Variants in RGS13 observed in about 807,000 individuals in gnomAD.
RGS13 encodes regulator of G protein signaling 13, also known as regulator of G-protein signalling 13.
A neutral mutation model predicts 19.9 loss-of-function variants in RGS13; 14 were observed. That is an observed-to-expected ratio of 0.70 (90% confidence interval 0.46 to 1.10). The LOEUF (loss-of-function observed/expected upper bound fraction) is 1.10. RGS13 is among the 50% of genes least tolerant of loss of function. The probability of loss-of-function intolerance (pLI) is 0.00; values close to 1 mark genes in which losing one functional copy is unlikely to be tolerated. For missense variants in RGS13, 205 were observed against 187.1 expected (o/e 1.10, Z -0.56); for synonymous variants, 60 against 56.8 (o/e 1.06, Z -0.25).
chr1:192,654,365 C>A (rs963780922), intron 5 of RGS13, among the ~76,000 whole-genome samples: 32 of 150,550 alleles, frequency 2.1e-4, no homozygotes, highest in Non-Finnish European at 4.0e-4. Context: ...AAATAAAGGA[C>A]CATAAATTTG....
At chr1:192,658,650 A>AG in intron 6 of RGS13, 1 of 296,956 alleles carries the variant, frequency 3.4e-6, no homozygotes, top group Admixed American at 4.5e-5. Flanking sequence ...AAACTTAAAA[A>AG]GAAAAAAAGG....
At chr1:192,651,982 T>C (rs1339616505) in intron 5 of RGS13, among the ~76,000 whole-genome samples, 1 of 152,094 alleles carries the variant, frequency 6.6e-6, no homozygotes, top group East Asian at 1.9e-4. Flanking sequence ...ACCACAGTTG[T>C]ATATTTTTCT....
chr1:192,644,462 C>T (rs990807000), intron 4 of RGS13, 63 bp downstream of exon 4: 30 of 1,207,758 alleles, frequency 2.5e-5, no homozygotes, highest in Non-Finnish European at 6.0e-6. Flanking sequence ...TAAATAGGTA[C>T]ATATTTATTA....
chr1:192,644,243 A>T lies in RGS13; in HGVS notation c.-4-88A>T, dbSNP rs560490136. On this transcript the variant is annotated intron_variant, in intron 3 of 6. Transcript: ENST00000391995. ...GAGCCCATCTTTTTTTTTATGATTT[A>T]TAATATTGTATGTTCCTTAGAAACT... 8 of 922,608 alleles carry T rather than the reference A, an allele frequency of 8.7e-6. No individual in the cohort carries two copies. The East Asian group carries it at 1.7e-4, about 19-fold the overall frequency. The allele number at this position is 922,608 out of a possible 1,614,324, so 57.2% of individuals were successfully genotyped here.
Position 192,641,196 on chromosome 1 carries a change from GA to G in RGS13, c.-5+2999del, listed in dbSNP as rs1391207298. Among the ~76,000 whole-genome samples, 524 of 93,470 alleles carry G rather than the reference GA, an allele frequency of 5.6e-3. 4 individuals are homozygous for G. The highest frequency in any genetic ancestry group is 0.021 in the East Asian group (46 of 2,148). 61.3% of individuals were successfully genotyped at this position (93,470 alleles called of 152,430 possible). A position where few individuals can be genotyped will look rare whatever the true frequency, so the allele number is the denominator to read the frequency against. On this transcript the variant is annotated intron_variant, in intron 3 of 6. Transcript: ENST00000391995. Reference sequence around the variant, plus strand: ...AAAGAAAGAAAAGAAAGAAAAAAAAGAAAAAAGGAAAGAAAGAAAGAAAGAG... The same window carrying G: ...AAAGAAAGAAAAGAAAGAAAAAAAAGAAAAAGGAAAGAAAGAAAGAAAGAG...
chr1:192,645,578 T>C (rs953378137), intron 4 of RGS13: 2 of 152,170 alleles, frequency 1.3e-5, no homozygotes, highest in Non-Finnish European at 2.9e-5. Context: ...TGCAACATCA[T>C]GGTATCTTAA....
At chr1:192,651,933 T>G (rs1006397464) in intron 5 of RGS13, among the ~76,000 whole-genome samples, 2 of 152,038 alleles carry the variant, frequency 1.3e-5, no homozygotes, top group Non-Finnish European at 2.9e-5. Flanking sequence ...CAGTGTTGAG[T>G]GTCTGTTTAA....
At chr1:192,650,447 A>G (rs1008611659) in intron 5 of RGS13, among the ~76,000 whole-genome samples, 2 of 152,136 alleles carry the variant, frequency 1.3e-5, no homozygotes, top group African/African-American at 4.8e-5. Flanking sequence ...ATGTGTTTAC[A>G]TTAACCAAGG....
intron 6 of RGS13, 39 bp from the exon 7 acceptor site, chr1:192,659,299 A>T (rs1176205136): frequency 1.3e-6 from 2 of 1,514,248 alleles, no homozygotes; most frequent in Admixed American, 3.9e-5. Flanking sequence ...TTTTTCAACT[A>T]TGCTAACTTA....
chr1:192,658,591 T>C (rs1266474684), intron 6 of RGS13: 5 of 399,354 alleles, frequency 1.3e-5, no homozygotes, highest in Non-Finnish European at 2.2e-5. Flanking sequence ...CAAAATTAAA[T>C]CTATCTGGCT....
chr1:192,638,035 C>T (rs1348567936), intron 2 of RGS13, 129 bp from the exon 3 acceptor site: 5 of 151,918 alleles, frequency 3.3e-5, no homozygotes, highest in African/African-American at 7.2e-5. Context: ...ATTAAACTGT[C>T]GATTGAGATG....
At chr1:192,643,725 A>G (rs552754106) in intron 3 of RGS13, among the ~76,000 whole-genome samples, 4 of 152,286 alleles carry the variant, frequency 2.6e-5, no homozygotes, top group South Asian at 4.1e-4. Flanking sequence ...TGAGGTTGGC[A>G]GGTTGTTTGG....
chr1:192,638,525 A>C (rs1558048278), intron 3 of RGS13, among the ~76,000 whole-genome samples: 1 of 152,078 alleles, frequency 6.6e-6, no homozygotes, highest in Non-Finnish European at 1.5e-5. Flanking sequence ...GTACGTGTGA[A>C]TCCAGTAGTA....
intron 5 of RGS13, among the ~76,000 whole-genome samples, chr1:192,649,020 C>T (rs183515263): frequency 7.2e-5 from 11 of 152,208 alleles, no homozygotes; most frequent in East Asian, 1.9e-4. Flanking sequence ...TGCTGAAACA[C>T]GTTAATCAAC....
chr1:192,637,880 A>G (rs1393831023), intron 2 of RGS13, among the ~76,000 whole-genome samples: 2 of 152,088 alleles, frequency 1.3e-5, no homozygotes, highest in East Asian at 3.9e-4. Flanking sequence ...TATCAATAGG[A>G]TGTTTTAATC....
intron 5 of RGS13, among the ~76,000 whole-genome samples, chr1:192,656,803 A>T (rs923642298): frequency 7.9e-5 from 12 of 152,010 alleles, no homozygotes; most frequent in African/African-American, 2.9e-4. Flanking sequence ...ATCTACTTCT[A>T]TTTGAGTTCT....
chr1:192,658,299 C>A lies in RGS13; in HGVS notation c.226C>A (p.Arg76=), dbSNP rs529030881. 1.9e-6 allele frequency: 3 copies of A among 1,613,414 alleles called. No individual in the cohort carries two copies. In the South Asian group the frequency reaches 3.3e-5, roughly 18 times the overall value. The part of the protein sequence containing the change: ...ACETYKKIAS[R]WSRISRAKKL... ...TGAAACCTATAAGAAAATTGCCTCACGGTGGAGCAGAATTTCTAGGGCAAA... is the reference window on the plus strand; with the variant it reads ...TGAAACCTATAAGAAAATTGCCTCAAGGTGGAGCAGAATTTCTAGGGCAAA... The change falls in exon 6 of 7, where the codon CGG becomes AGG. Residue 76 remains arginine, a synonymous_variant. Transcript: ENST00000391995.
chr1:192,653,537 T>A (rs1454060095), intron 5 of RGS13, among the ~76,000 whole-genome samples: 3 of 152,054 alleles, frequency 2.0e-5, no homozygotes, highest in Admixed American at 2.0e-4. Flanking sequence ...CAATGTAGGA[T>A]AACTTATAAC....
rs56356276 is a variant in RGS13, at chr1:192,652,444, C to T, written c.127+4457C>T. Among the ~76,000 whole-genome samples the T allele has an allele frequency of 4.4e-3, 664 of 152,120 alleles. 2 individuals carry two copies. The highest frequency in any genetic ancestry group is 7.5e-3 in the Non-Finnish European group (512 of 67,966). On this transcript the variant is annotated intron_variant, in intron 5 of 6. Transcript: ENST00000391995. Reference sequence around the variant, plus strand: ...TAATCTCTGCTAACTACTGCTGTTGCCATGGCTCCCTTCATCAACCCTTAT... The same window carrying T: ...TAATCTCTGCTAACTACTGCTGTTGTCATGGCTCCCTTCATCAACCCTTAT...
Sources: allele counts gnomAD v4.1 joint callset (sites outside exome capture counted in the v4.1 genomes callset), GRCh38; gene constraint gnomAD v4.1.1; transcripts MANE v1.5; gene names NCBI Gene and HGNC (gene_info 2026-07-23, HGNC 2026-07-21).